Variants in TRABD2B observed in about 807,000 individuals in gnomAD.
TRABD2B encodes metalloprotease TIKI2.
A neutral mutation model predicts 40.1 loss-of-function variants in TRABD2B; 14 were observed. The ratio of observed to expected loss-of-function variants is 0.35; its 90% CI spans 0.23 to 0.55. TRABD2B has a LOEUF of 0.55. Ranked by LOEUF, TRABD2B falls within the 20% of genes least tolerant of loss-of-function variation. TRABD2B has a pLI of 0.90. For missense variants in TRABD2B, 541 were observed against 648.6 expected, an observed-to-expected ratio of 0.83 and a Z score of 1.80; for synonymous variants, 263 against 277.0, an observed-to-expected ratio of 0.95 and a Z score of 0.50.
intron 2 of TRABD2B, among the ~76,000 whole-genome samples, chr1:47,806,913 A>T (rs914039124): frequency 6.6e-6 from 1 of 152,178 alleles, no homozygotes; most frequent in African/African-American, 2.4e-5. Flanking sequence ...CCTGGCTCTC[A>T]GCTTGCAAGT....
chr1:47,884,008 G>A (rs1644339889), intron 2 of TRABD2B, among the ~76,000 whole-genome samples: 1 of 152,202 alleles, frequency 6.6e-6, no homozygotes, highest in Admixed American at 6.5e-5. Context: ...GGATGTGGGA[G>A]GATAAAATGT....
intron 2 of TRABD2B, among the ~76,000 whole-genome samples, chr1:47,887,479 C>T (rs1461088938): frequency 6.6e-6 from 1 of 151,416 alleles, no homozygotes. Flanking sequence ...GACCAAGAGA[C>T]ATCCTATGTT....
At chr1:47,775,566 C>T (rs1644434398) in intron 5 of TRABD2B, 127 bp from the exon 6 acceptor site, 4 of 992,292 alleles carry the variant, frequency 4.0e-6, no homozygotes, top group Non-Finnish European at 5.2e-6. Context: ...CCCTGCTGGG[C>T]CCGGTGACAG....
At chr1:47,856,977 A>T (rs777688652) in intron 2 of TRABD2B, among the ~76,000 whole-genome samples, 66 of 152,218 alleles carry the variant, frequency 4.3e-4, no homozygotes, top group Non-Finnish European at 8.2e-4. Context: ...GCCAGCTGAG[A>T]ATAGCTGAAT....
intron 5 of TRABD2B, among the ~76,000 whole-genome samples, chr1:47,777,448 C>T (rs1158860557): frequency 2.0e-5 from 3 of 152,110 alleles, no homozygotes; most frequent in Non-Finnish European, 4.4e-5. Flanking sequence ...CTCAGTTCAC[C>T]CTCAGAGCTG....
intron 2 of TRABD2B, among the ~76,000 whole-genome samples, chr1:47,859,962 C>T (rs552457600): frequency 5.9e-5 from 9 of 152,274 alleles, no homozygotes; most frequent in African/African-American, 2.2e-4. Context: ...AGGGAGGTGA[C>T]GTATCTTGCC....
chr1:47,784,323 C>T (rs1434030094), intron 4 of TRABD2B, among the ~76,000 whole-genome samples: 1 of 152,198 alleles, frequency 6.6e-6, no homozygotes, highest in African/African-American at 2.4e-5. Flanking sequence ...ACATGCGTCC[C>T]TTCCAAGGTT....
chr1:47,898,096 A>G (rs1463371093), intron 2 of TRABD2B, among the ~76,000 whole-genome samples: 2 of 152,202 alleles, frequency 1.3e-5, no homozygotes, highest in Admixed American at 6.5e-5. Flanking sequence ...AGATGAATGA[A>G]TGAGCAGATG....
intron 6 of TRABD2B, among the ~76,000 whole-genome samples, chr1:47,773,517 C>T (rs1430230353): frequency 6.6e-6 from 1 of 152,226 alleles, no homozygotes; most frequent in Non-Finnish European, 1.5e-5. Flanking sequence ...GGGGCGGTTT[C>T]CCACGTACTA....
At chr1:47,789,849 AT>A (rs1305845346) in intron 4 of TRABD2B, among the ~76,000 whole-genome samples, 2 of 150,490 alleles carry the variant, frequency 1.3e-5, no homozygotes, top group African/African-American at 4.9e-5. Context: ...CAGGCTTATC[AT>A]TTTTCCCCCC....
At position 47,765,674 on chromosome 1, in the gene TRABD2B, T is replaced by C. The variant is rs775674804; in HGVS notation, c.*228A>G. 6.7e-6 allele frequency: 4 copies of C among 596,344 alleles called. No individual in the cohort carries two copies. The highest frequency in any genetic ancestry group is 1.2e-5 in the Non-Finnish European group (4 of 335,694). 36.9% of individuals were successfully genotyped at this position (596,344 alleles called of 1,614,324 possible). A position where few individuals can be genotyped will look rare whatever the true frequency, so the allele number is the denominator to read the frequency against. ...ATAAATACATTTTTCTTTTTTAATA[T>C]GGACACGTATTTTACAAAAGAGCCC... On this transcript the variant is annotated 3_prime_UTR_variant, in exon 7 of 7. Transcript: ENST00000606738.
chr1:47,967,928 C>T (rs17103961), intron 2 of TRABD2B, among the ~76,000 whole-genome samples: 10,179 of 152,250 alleles, frequency 0.067, 380 homozygotes, highest in East Asian at 0.1. Flanking sequence ...TAATTCATTT[C>T]GGTGGAAGAC....
intron 2 of TRABD2B, among the ~76,000 whole-genome samples, chr1:47,968,315 G>A (rs977307354): frequency 6.6e-6 from 1 of 152,130 alleles, no homozygotes; most frequent in African/African-American, 2.4e-5. Flanking sequence ...AGTCCGAGAA[G>A]GTAAACTGCA....
chr1:47,992,539 C>A (rs2148463067), intron 2 of TRABD2B, among the ~76,000 whole-genome samples: 1 of 152,292 alleles, frequency 6.6e-6, no homozygotes, highest in Non-Finnish European at 1.5e-5. Flanking sequence ...ACCTCCCCAT[C>A]CTAAAAAAGA....
chr1:47,801,454 C>A lies in TRABD2B; in HGVS notation c.813+19G>T. On this transcript the variant is annotated intron_variant, in intron 3 of 6. Coordinates refer to ENST00000606738, the MANE Select transcript of TRABD2B (RefSeq NM_001194986.2). Reference sequence around the variant, plus strand: ...TCTAATAAATGCCAGGTATCCAGGTCTTTGGAGAGGAGCCTCACCTGGGAT... The same window carrying A: ...TCTAATAAATGCCAGGTATCCAGGTATTTGGAGAGGAGCCTCACCTGGGAT... 3 of 1,534,792 alleles carry A rather than the reference C, an allele frequency of 2.0e-6. No individual in the cohort carries two copies. Among genetic ancestry groups the A allele is most frequent in the Non-Finnish European group, 2.6e-6 (3 of 1,145,920 alleles).
At chr1:47,913,549 C>T (rs1482334137) in intron 2 of TRABD2B, among the ~76,000 whole-genome samples, 1 of 152,198 alleles carries the variant, frequency 6.6e-6, no homozygotes, top group Non-Finnish European at 1.5e-5. Flanking sequence ...CTAAATGATA[C>T]TTTTGAATGG....
intron 6 of TRABD2B, among the ~76,000 whole-genome samples, chr1:47,769,340 C>T (rs1644349029): frequency 6.6e-6 from 1 of 152,178 alleles, no homozygotes; most frequent in Non-Finnish European, 1.5e-5. Flanking sequence ...GCTGGGGCCC[C>T]CACCATCAGA....
chr1:47,830,856 G>C (rs1214433788), intron 2 of TRABD2B, among the ~76,000 whole-genome samples: 2 of 152,184 alleles, frequency 1.3e-5, no homozygotes, highest in African/African-American at 2.4e-5. Flanking sequence ...GCAAATCTCT[G>C]TTCTCTGTAT....
Position 47,838,734 on chromosome 1 carries a change from G to A in TRABD2B, c.667-37115C>T, listed in dbSNP as rs2124476375. Among the ~76,000 whole-genome samples the A allele has an allele frequency of 1.3e-5, 2 of 152,350 alleles. 1 individual carries two copies. Among genetic ancestry groups the A allele is most frequent in the Middle Eastern group, 6.8e-3 (2 of 294 alleles). ...TATCGACTGATGCAGTCACATGGCT[G>A]ACAGATATGATGGCTGACGCCCAGA... On this transcript the variant is annotated intron_variant, in intron 2 of 6. Coordinates refer to ENST00000606738, the MANE Select transcript of TRABD2B (RefSeq NM_001194986.2).
Sources: gnomAD v4.1 joint callset for allele counts (sites outside exome capture counted in the v4.1 genomes callset) on GRCh38, gnomAD v4.1.1 for gene constraint, MANE v1.5 for transcripts, NCBI Gene and HGNC (gene_info 2026-07-23, HGNC 2026-07-21) for gene names.